CASZ1: variants seen among roughly 807,000 people sequenced by gnomAD.
CASZ1 encodes the protein zinc finger protein castor homolog 1.
A neutral mutation model predicts 135.2 loss-of-function variants in CASZ1; 28 were observed. That is an observed-to-expected ratio of 0.21 (90% CI 0.15 to 0.28). The LOEUF is 0.28. Among genes scored for constraint, CASZ1 ranks in the 10% least tolerant of loss-of-function variants. CASZ1 has a pLI of 1.00. For synonymous variants in CASZ1, 1,068 were observed against 1,073.4 expected, an observed-to-expected ratio of 0.99 and a Z score of 0.10; for missense variants, 2,161 against 2,453.3, an observed-to-expected ratio of 0.88 and a Z score of 2.52.
chr1:10,648,833 G>A, intron 15 of CASZ1: 1 of 545,662 alleles, frequency 1.8e-6, no homozygotes, highest in Middle Eastern at 5.1e-4. Context: ...GGGTGCAGCA[G>A]CAGCTGTTGC....
At chr1:10,785,963 C>T (rs1333977253) in intron 1 of CASZ1, among the ~76,000 whole-genome samples, 2 of 152,198 alleles carry the variant, frequency 1.3e-5, no homozygotes, top group Non-Finnish European at 1.5e-5. Flanking sequence ...ACAAAGGCTT[C>T]GAGGAATGAA....
chr1:10,681,401 T>G (rs1638416249), intron 4 of CASZ1, among the ~76,000 whole-genome samples: 1 of 151,920 alleles, frequency 6.6e-6, no homozygotes, highest in Non-Finnish European at 1.5e-5. Flanking sequence ...AGCGCCCGCC[T>G]CTCCCTGCCA....
At position 10,653,741 on chromosome 1, in the gene CASZ1, G is replaced by T. The variant is rs1243101483; in HGVS notation, c.2316C>A (p.Ile772=). ...PSATKPPNSK[I]SGLLPQGLPG... The stretch of plus-strand genomic sequence containing the variant: ...GCAGGCCCTGGGGCAGCAGCCCCGA[G>T]ATCTTGCTGTTGGGAGGTTTGGTGG... Residue 772 remains isoleucine, a synonymous_variant, in exon 11 of 21, where the codon ATC becomes ATA. Coordinates refer to ENST00000377022, the MANE Select transcript of CASZ1 (RefSeq NM_001079843.3). The T allele has an allele frequency of 6.2e-7, 1 of 1,609,582 alleles. No individual in the cohort carries two copies.
At chr1:10,671,852 G>T (rs1643410352) in intron 4 of CASZ1, among the ~76,000 whole-genome samples, 2 of 152,228 alleles carry the variant, frequency 1.3e-5, no homozygotes, top group South Asian at 4.1e-4. Flanking sequence ...TGCACTGGAG[G>T]GTGCGAGGCT....
intron 5 of CASZ1, among the ~76,000 whole-genome samples, chr1:10,661,919 T>A (rs1447843929): frequency 2.7e-5 from 4 of 146,042 alleles, no homozygotes; most frequent in Admixed American, 1.4e-4. Flanking sequence ...TCATACACTC[T>A]CACACACCCA....
At chr1:10,723,842 G>C (rs530435362) in intron 2 of CASZ1, among the ~76,000 whole-genome samples, 1 of 152,304 alleles carries the variant, frequency 6.6e-6, no homozygotes, top group African/African-American at 2.4e-5. Context: ...CTCACGGTCA[G>C]CTTCAGTCCA....
At chr1:10,650,423 G>C (rs904351840) in intron 13 of CASZ1, 14 of 329,388 alleles carry the variant, frequency 4.3e-5, no homozygotes, top group Non-Finnish European at 6.5e-5. Flanking sequence ...GAAGTTGAAG[G>C]GCTCTGGAAA....
intron 2 of CASZ1, among the ~76,000 whole-genome samples, chr1:10,754,558 C>A (rs1413002808): frequency 6.6e-6 from 1 of 152,220 alleles, no homozygotes; most frequent in African/African-American, 2.4e-5. Flanking sequence ...TTCCTCAGTC[C>A]TGCCCCCTAA....
intron 2 of CASZ1, among the ~76,000 whole-genome samples, chr1:10,754,330 T>G (rs1458138808): frequency 6.6e-6 from 1 of 152,202 alleles, no homozygotes; most frequent in Non-Finnish European, 1.5e-5. Context: ...GTAAACCTCA[T>G]GAGGGCAGGA....
chr1:10,672,454 C>A (rs1473847061), intron 4 of CASZ1, among the ~76,000 whole-genome samples: 2 of 150,158 alleles, frequency 1.3e-5, no homozygotes, highest in Admixed American at 6.6e-5. Flanking sequence ...ATCCTTCACT[C>A]GCCAGCCCGC....
rs566731020 is a variant in CASZ1, at chr1:10,726,997, C to T, written c.-76-21453G>A. On this transcript the variant is annotated intron_variant, in intron 2 of 20. Transcript: ENST00000377022. The surrounding 1 kb of genome is among the most constrained non-coding windows in gnomAD (Gnocchi z 5.7). ...AAGCCAGGACGGAGGGGAGGGAGACCGGGAGAGGTGACTGGCAAGGTTTTC... is the reference window on the plus strand; with the variant it reads ...AAGCCAGGACGGAGGGGAGGGAGACTGGGAGAGGTGACTGGCAAGGTTTTC... Among the ~76,000 whole-genome samples the T allele has an allele frequency of 2.6e-5, 4 of 152,214 alleles. No individual in the cohort carries two copies. Among genetic ancestry groups the T allele is most frequent in the South Asian group, 4.1e-4 (2 of 4,826 alleles).
chr1:10,761,805 G>A (rs1055785399), intron 1 of CASZ1, among the ~76,000 whole-genome samples: 6 of 152,170 alleles, frequency 3.9e-5, no homozygotes, highest in Non-Finnish European at 7.4e-5. Flanking sequence ...CTGGAAGCCC[G>A]GCCTCGTGGA....
In CASZ1 at chr1:10,709,276, C is replaced by T. The variant is rs929788270; in HGVS notation, c.-76-3732G>A. Among the ~76,000 whole-genome samples the T allele has an allele frequency of 1.5e-4, 23 of 152,208 alleles. No homozygotes were observed. The highest frequency in any genetic ancestry group is 3.9e-4 in the East Asian group (2 of 5,194). On this transcript the variant is annotated intron_variant, in intron 2 of 20. Transcript: ENST00000377022. The surrounding 1 kb of genome is among the most constrained non-coding windows in gnomAD (Gnocchi z 5.1). ...AGCTGTCGGGCTGCCCATCCGCCCC[C>T]GCACTCCACTGCGTCTCCTTCCCCC...
chr1:10,732,743 T>G (rs1639723821), intron 2 of CASZ1, among the ~76,000 whole-genome samples: 1 of 152,142 alleles, frequency 6.6e-6, no homozygotes, highest in African/African-American at 2.4e-5. Flanking sequence ...GCTCCCATGG[T>G]GGCAGCAGCA....
chr1:10,640,577 C>A (rs904087921), intron 20 of CASZ1, among the ~76,000 whole-genome samples: 19 of 152,216 alleles, frequency 1.2e-4, no homozygotes, highest in African/African-American at 4.1e-4. Context: ...GTGCCAAGTG[C>A]CCCAGGGCTG....
At chr1:10,708,911 G>A (rs1316452450) in intron 2 of CASZ1, among the ~76,000 whole-genome samples, 4 of 143,200 alleles carry the variant, frequency 2.8e-5, no homozygotes, top group South Asian at 2.4e-4. Flanking sequence ...AGGCTCCTCC[G>A]GCACAAGAGG....
chr1:10,709,475 A>G lies in CASZ1; in HGVS notation c.-76-3931T>C, dbSNP rs1172493042. Among the ~76,000 whole-genome samples the G allele has an allele frequency of 6.6e-6, 1 of 152,198 alleles. No individual in the cohort carries two copies. Among genetic ancestry groups the G allele is most frequent in the Non-Finnish European group, 1.5e-5 (1 of 68,026 alleles). Reference sequence around the variant, plus strand: ...TCTGTTTGGCCTCCTTCCTGTATTGAGGAGCTGTCAGGAGCCCGAGTGAGA... The same window carrying G: ...TCTGTTTGGCCTCCTTCCTGTATTGGGGAGCTGTCAGGAGCCCGAGTGAGA... On this transcript the variant is annotated intron_variant, in intron 2 of 20. Coordinates refer to ENST00000377022, the MANE Select transcript of CASZ1 (RefSeq NM_001079843.3). The surrounding 1 kb of genome is among the most constrained non-coding windows in gnomAD (Gnocchi z 5.1).
In CASZ1 at chr1:10,694,601, CG is replaced by C. The variant is rs2100413891; in HGVS notation, c.-23-690del. ...AGCGCGGCCCCGCCGCCGCCGCCGC[CG>C]CCGCCGCCGCCGCCGCCGCCCGGTG... On this transcript the variant is annotated intron_variant, in intron 3 of 20. Transcript: ENST00000377022. The surrounding 1 kb of genome is among the most constrained non-coding windows in gnomAD (Gnocchi z 6.6). The C allele has an allele frequency of 7.0e-6, 1 of 142,708 alleles. No individual in the cohort carries two copies. Among genetic ancestry groups the C allele is most frequent in the African/African-American group, 2.6e-5 (1 of 37,904 alleles). The allele number at this position is 142,708 out of a possible 1,614,324, so 8.8% of individuals were successfully genotyped here.
At chr1:10,715,638 CACCCCACA>C in intron 2 of CASZ1, among the ~76,000 whole-genome samples, 1 of 144,842 alleles carries the variant, frequency 6.9e-6, no homozygotes, top group African/African-American at 2.6e-5. Context: ...ACCCAATCCG[CACCCCACA>C]GCACCCAATC....
Sources: gnomAD v4.1 joint callset for allele counts (sites outside exome capture counted in the v4.1 genomes callset) on GRCh38, gnomAD v4.1.1 for gene constraint, Gnocchi (gnomAD v3.1) non-coding constraint, MANE v1.5 for transcripts, NCBI Gene and HGNC (gene_info 2026-07-23, HGNC 2026-07-21) for gene names.